ATF6: variants seen among roughly 807,000 people sequenced by gnomAD.
ATF6 encodes cyclic AMP-dependent transcription factor ATF-6 alpha.
Under a neutral mutation model 83.6 loss-of-function variants are expected in ATF6, and 53 were observed. The ratio of observed to expected loss-of-function variants is 0.63; its 90% CI spans 0.51 to 0.80. The LOEUF (loss-of-function observed/expected upper bound fraction) is 0.80, where lower values mean the gene tolerates loss of function less well. ATF6 is among the 30% of genes least tolerant of loss of function. ATF6 has a pLI of 0.00. For missense variants in ATF6, 744 were observed against 797.9 expected, an observed-to-expected ratio of 0.93 and a Z score of 0.81; for synonymous variants, 288 against 285.8, an observed-to-expected ratio of 1.01 and a Z score of -0.08.
rs752325289 is a variant in ATF6, at chr1:161,798,280, G to A, written c.689-3772G>A. Among the ~76,000 whole-genome samples the A allele has an allele frequency of 5.9e-5, 9 of 152,278 alleles. No individual in the cohort carries two copies. The Middle Eastern group carries it at 0.01, about 173-fold the overall frequency. Reference sequence around the variant, plus strand: ...AGATTTCATGATGAAGACTCCAAAAGCAATCGCAACAAAAACAAAAATTGA... The same window carrying A: ...AGATTTCATGATGAAGACTCCAAAAACAATCGCAACAAAAACAAAAATTGA... On this transcript the variant is annotated intron_variant, in intron 6 of 15. Transcript: ENST00000367942.
intron 13 of ATF6, among the ~76,000 whole-genome samples, chr1:161,862,944 T>C (rs979189569): frequency 6.6e-6 from 1 of 152,222 alleles, no homozygotes. Context: ...TGCTTTGCAA[T>C]GTACTTGACC....
At chr1:161,955,281 A>G (rs1688944236) in intron 15 of ATF6, among the ~76,000 whole-genome samples, 1 of 152,076 alleles carries the variant, frequency 6.6e-6, no homozygotes, top group East Asian at 1.9e-4. Context: ...CCCCAGTTAA[A>G]ACTCGATCTG....
At chr1:161,864,034 T>C (rs16856452) in intron 14 of ATF6, among the ~76,000 whole-genome samples, 1,985 of 152,314 alleles carry the variant, frequency 0.013, 48 homozygotes, top group African/African-American at 0.044. Context: ...TGAATTAGAA[T>C]TCCTCAGTGG....
At chr1:161,814,603 T>A (rs190322790) in intron 7 of ATF6, among the ~76,000 whole-genome samples, 4 of 152,338 alleles carry the variant, frequency 2.6e-5, no homozygotes, top group Non-Finnish European at 5.9e-5. Flanking sequence ...CTTTAATTTT[T>A]GGCAAATGGG....
intron 14 of ATF6, among the ~76,000 whole-genome samples, chr1:161,902,724 C>G (rs1353147132): frequency 6.6e-6 from 1 of 152,216 alleles, no homozygotes; most frequent in Non-Finnish European, 1.5e-5. Context: ...TGGGGATTCA[C>G]CAATGAACAA....
chr1:161,958,713 G>A lies in ATF6; in HGVS notation c.*59G>A. ...GACCCTGCCAGACTGAAGAGCAGGT[G>A]AGCAAAATGCTGCTTTCTGCCTTGG... On this transcript the variant is annotated 3_prime_UTR_variant, in exon 16 of 16. Transcript: ENST00000367942. 7.0e-7 allele frequency: 1 copy of A among 1,425,686 alleles called. No homozygotes were observed. Among genetic ancestry groups the A allele is most frequent in the Non-Finnish European group, 9.5e-7 (1 of 1,055,816 alleles). The allele number at this position is 1,425,686 out of a possible 1,614,324, so 88.3% of individuals were successfully genotyped here.
intron 2 of ATF6, among the ~76,000 whole-genome samples, chr1:161,780,530 C>G (rs867800533): frequency 1.4e-4 from 22 of 152,020 alleles, no homozygotes; most frequent in Middle Eastern, 3.4e-3. Context: ...CCCGCCACCA[C>G]GCCCGGCTAA....
intron 14 of ATF6, among the ~76,000 whole-genome samples, chr1:161,899,457 G>A (rs531211859): frequency 6.6e-6 from 1 of 152,172 alleles, no homozygotes; most frequent in South Asian, 2.1e-4. Flanking sequence ...TTTCAAAACC[G>A]ATTCTCTGTG....
At chr1:161,809,890 T>C (rs1685412683) in intron 7 of ATF6, among the ~76,000 whole-genome samples, 2 of 152,226 alleles carry the variant, frequency 1.3e-5, no homozygotes, top group Non-Finnish European at 2.9e-5. Context: ...ATGGGGTTGT[T>C]TTTTTCTTGT....
intron 6 of ATF6, among the ~76,000 whole-genome samples, chr1:161,796,168 TTAGTTTAAGAAA>T (rs1382354061): frequency 3.3e-5 from 5 of 152,212 alleles, no homozygotes; most frequent in Non-Finnish European, 7.3e-5. Flanking sequence ...TTTTTCTTAA[TTAGTTTAAGAAA>T]TATTACAAAG....
rs955266941 is a variant in ATF6, at chr1:161,958,598, C to T, written c.1957C>T (p.Pro653Ser). The T allele has an allele frequency of 1.2e-5, 19 of 1,613,866 alleles. No individual in the cohort carries two copies. The highest frequency in any genetic ancestry group is 1.7e-5 in the Admixed American group (1 of 60,008). ...NQTNTFFGSP[P>S]AATEATHVVS... ...AACCAACACCTTCTTTGGCTCCCCT[C>T]CCGCAGCCACAGAGGCAACCCACGT... The change falls in exon 16 of 16, where the codon CCC becomes TCC. Residue 653 changes from proline (P) to serine (S), a missense_variant. Pro to Ser is a moderately conservative substitution (Grantham distance 74). Transcript: ENST00000367942.
intron 9 of ATF6, among the ~76,000 whole-genome samples, chr1:161,827,869 A>G (rs1685942011): frequency 6.6e-6 from 1 of 152,134 alleles, no homozygotes; most frequent in Non-Finnish European, 1.5e-5. Context: ...ATAAGGGTTA[A>G]TTTTTCTGAC....
intron 14 of ATF6, among the ~76,000 whole-genome samples, chr1:161,909,817 A>G (rs1421158197): frequency 8.5e-5 from 13 of 152,092 alleles, no homozygotes; most frequent in Non-Finnish European, 1.9e-4. Context: ...TTAGCCGGGC[A>G]TGGTGGCGGG....
At chr1:161,817,202 AT>A (rs1685633150) in intron 7 of ATF6, among the ~76,000 whole-genome samples, 1 of 152,182 alleles carries the variant, frequency 6.6e-6, no homozygotes, top group Non-Finnish European at 1.5e-5. Flanking sequence ...CTTGTTTGAA[AT>A]TTATTAAATG....
At chr1:161,809,617 A>G (rs751902754) in intron 7 of ATF6, among the ~76,000 whole-genome samples, 29 of 152,330 alleles carry the variant, frequency 1.9e-4, no homozygotes, top group Non-Finnish European at 3.4e-4. Context: ...AGGAATTGCC[A>G]CACTGTCTTC....
intron 7 of ATF6, among the ~76,000 whole-genome samples, chr1:161,804,626 G>C (rs958844434): frequency 2.0e-5 from 3 of 151,608 alleles, no homozygotes; most frequent in Admixed American, 6.6e-5. Flanking sequence ...CTAAACATAA[G>C]GTTTTTTGAT....
At chr1:161,802,358 G>GT (rs980146070) in intron 7 of ATF6, 86 bp downstream of exon 7, 283 of 1,211,548 alleles carry the variant, frequency 2.3e-4, no homozygotes, top group Non-Finnish European at 2.9e-4. Context: ...CCTTGTTTTT[G>GT]TTTTTTTTAG....
intron 9 of ATF6, among the ~76,000 whole-genome samples, chr1:161,822,696 G>A (rs1685796686): frequency 6.6e-6 from 1 of 152,108 alleles, no homozygotes; most frequent in Non-Finnish European, 1.5e-5. Flanking sequence ...TTGTAACAAT[G>A]TTAGGTGCCA....
chr1:161,845,243 C>T (rs1209718088), intron 9 of ATF6, among the ~76,000 whole-genome samples: 1 of 152,178 alleles, frequency 6.6e-6, no homozygotes, highest in Non-Finnish European at 1.5e-5. Flanking sequence ...CAAAGAACCG[C>T]TTTTCCTTTA....
Sources: gnomAD v4.1 joint callset for allele counts (sites outside exome capture counted in the v4.1 genomes callset) on GRCh38, gnomAD v4.1.1 for gene constraint, MANE v1.5 for transcripts, NCBI Gene and HGNC (gene_info 2026-07-23, HGNC 2026-07-21) for gene names.